The following ASCC3 variants were observed in gnomAD, a reference collection of about 807,000 sequenced individuals.
ASCC3 encodes the protein activating signal cointegrator 1 complex subunit 3, also known as ASC-1 complex subunit P200.
In ASCC3, 158 loss-of-function variants were observed where a neutral mutation model predicts 256.3. The ratio of observed to expected loss-of-function variants is 0.62; its 90% CI spans 0.54 to 0.70. ASCC3 has a LOEUF of 0.70. Ranked by LOEUF, ASCC3 falls within the 30% of genes least tolerant of loss-of-function variation. ASCC3 has a pLI of 0.00. For missense variants in ASCC3, 2,259 were observed against 2,626.0 expected (o/e 0.86, Z 3.05); for synonymous variants, 948 against 883.4 (o/e 1.07, Z -1.30).
At chr6:100,719,626 G>C (rs1459716275) in intron 11 of ASCC3, among the ~76,000 whole-genome samples, 1 of 151,880 alleles carries the variant, frequency 6.6e-6, no homozygotes, top group Non-Finnish European at 1.5e-5. Flanking sequence ...ATCTATGTGA[G>C]AAATACTTTA....
At chr6:100,510,872 T>G (rs1429604748) in intron 40 of ASCC3, among the ~76,000 whole-genome samples, 1 of 152,190 alleles carries the variant, frequency 6.6e-6, no homozygotes, top group East Asian at 1.9e-4. Flanking sequence ...TGATACATTC[T>G]CAGACTTCAC....
intron 36 of ASCC3, among the ~76,000 whole-genome samples, chr6:100,579,954 AT>A (rs1378899928): frequency 6.6e-6 from 1 of 152,200 alleles, no homozygotes; most frequent in Non-Finnish European, 1.5e-5. Flanking sequence ...CTTCCTATTC[AT>A]GAATACGAAA....
intron 10 of ASCC3, among the ~76,000 whole-genome samples, chr6:100,734,398 A>G (rs1562259614): frequency 6.6e-6 from 1 of 152,158 alleles, no homozygotes; most frequent in Non-Finnish European, 1.5e-5. Flanking sequence ...TTTATTAACT[A>G]CAGTAATGTG....
At position 100,625,191 on chromosome 6, in the gene ASCC3, C is replaced by G. The variant is rs745409084; in HGVS notation, c.4785+1G>C. The G allele has an allele frequency of 6.2e-7, 1 of 1,612,358 alleles. No homozygotes were observed. The highest frequency in any genetic ancestry group is 1.7e-5 in the Admixed American group (1 of 59,830). On this transcript the variant is annotated splice_donor_variant, in intron 30 of 41. Transcript: ENST00000369162. LOFTEE classifies it high-confidence loss of function. The stretch of plus-strand genomic sequence containing the variant: ...AGTAGAAGATAAAATATGTTGCTTA[C>G]CTCTCTTTCATCCATGTTTAACCAC...
At chr6:100,527,591 T>C (rs1193664875) in intron 37 of ASCC3, among the ~76,000 whole-genome samples, 3 of 152,150 alleles carry the variant, frequency 2.0e-5, no homozygotes, top group Admixed American at 2.0e-4. Context: ...ACGTAAACAC[T>C]CTGCTCCATG....
intron 36 of ASCC3, 39 bp from the exon 37 acceptor site, chr6:100,540,426 TATA>T: frequency 6.7e-7 from 1 of 1,499,674 alleles, no homozygotes; most frequent in Non-Finnish European, 9.2e-7. Flanking sequence ...TGGATCAAAG[TATA>T]ATAATTAATG....
intron 36 of ASCC3, among the ~76,000 whole-genome samples, chr6:100,551,286 C>A (rs183931632): frequency 6.6e-6 from 1 of 151,766 alleles, no homozygotes; most frequent in South Asian, 2.1e-4. Context: ...TGCAGTCTAG[C>A]GGGGGAGCCA....
At chr6:100,851,961 C>G (rs578157412) in intron 3 of ASCC3, among the ~76,000 whole-genome samples, 7 of 152,312 alleles carry the variant, frequency 4.6e-5, no homozygotes, top group East Asian at 3.9e-4. Context: ...CTTGTCTTCC[C>G]TAAGAGGCAC....
At chr6:100,795,614 C>T (rs1461636466) in intron 8 of ASCC3, among the ~76,000 whole-genome samples, 1 of 152,078 alleles carries the variant, frequency 6.6e-6, no homozygotes, top group East Asian at 1.9e-4. Flanking sequence ...ACATTGCTCC[C>T]TTTCCAAGAA....
chr6:100,530,573 C>G (rs186427148), intron 37 of ASCC3: 19 of 785,870 alleles, frequency 2.4e-5, no homozygotes, highest in East Asian at 2.2e-4. Context: ...ATCCAGCCAG[C>G]ATTAGTGTGT....
At chr6:100,608,413 CTTATATATATTTTATATATATACT>C (rs1773123289) in intron 30 of ASCC3, among the ~76,000 whole-genome samples, 3 of 48,930 alleles carry the variant, frequency 6.1e-5, no homozygotes, top group South Asian at 7.0e-4. Flanking sequence ...ATATATATAC[CTTATATATATTTTATATATATACT>C]TTATATATAT....
chr6:100,808,007 C>T (rs1018428286), intron 4 of ASCC3, among the ~76,000 whole-genome samples: 3 of 151,766 alleles, frequency 2.0e-5, no homozygotes, highest in African/African-American at 7.2e-5. Context: ...GAAAGTGAGC[C>T]TCCTACACAA....
At chr6:100,647,687 C>T (rs1379776621) in intron 20 of ASCC3, among the ~76,000 whole-genome samples, 1 of 151,914 alleles carries the variant, frequency 6.6e-6, no homozygotes, top group Admixed American at 6.6e-5. Flanking sequence ...GCCTTATTTC[C>T]AAGTTCTTAG....
intron 1 of ASCC3, among the ~76,000 whole-genome samples, chr6:100,878,773 C>T (rs1273679318): frequency 3.9e-5 from 6 of 152,210 alleles, no homozygotes. Flanking sequence ...TTCCTCTGCT[C>T]TCACACGACA....
chr6:100,585,493 C>G (rs972666877), intron 36 of ASCC3, among the ~76,000 whole-genome samples: 11 of 152,096 alleles, frequency 7.2e-5, no homozygotes, highest in Non-Finnish European at 8.8e-5. Context: ...AAATTTTTTT[C>G]AAAGTTTTCA....
At chr6:100,839,976 A>C (rs1449014899) in intron 4 of ASCC3, among the ~76,000 whole-genome samples, 1 of 152,202 alleles carries the variant, frequency 6.6e-6, no homozygotes, top group Non-Finnish European at 1.5e-5. Context: ...AAATTACTTC[A>C]ACTATGTTGA....
chr6:100,853,086 G>A (rs6916271), intron 3 of ASCC3, among the ~76,000 whole-genome samples: 35,089 of 151,700 alleles, frequency 0.23, 4,345 homozygotes, highest in East Asian at 0.48. Flanking sequence ...TGACTGGTGC[G>A]CTTTTATTAT....
Position 100,629,179 on chromosome 6 carries a change from A to T in ASCC3, c.4211T>A (p.Val1404Asp). The change falls in exon 27 of 42, where the codon GTT (valine) becomes GAT (aspartate). Residue 1404 changes from valine to aspartate, a missense_variant and splice_region_variant. Around this residue, in one of 2 missense-constraint regions of ASCC3, gnomAD observed 1,839 missense variants for 2,206.7 expected, o/e 0.83. Coordinates refer to ENST00000369162, the MANE Select transcript of ASCC3 (RefSeq NM_006828.4). ...AGTCACATCCCCTGTTAGTTCAATA[A>T]CTCTGGAGGGAAATATAACAATGAT... ...VRIEEKLGKK[V>D]IELTGDVTPD... 1 of 1,612,784 alleles carries T rather than the reference A, an allele frequency of 6.2e-7. No homozygotes were observed. The highest frequency in any genetic ancestry group is 1.3e-5 in the African/African-American group (1 of 74,978).
intron 13 of ASCC3, among the ~76,000 whole-genome samples, chr6:100,686,359 A>G (rs1052668320): frequency 6.6e-6 from 1 of 152,130 alleles, no homozygotes; most frequent in African/African-American, 2.4e-5. Context: ...CAATGTCTCT[A>G]CCACCCTTCC....
Sources: gnomAD v4.1 joint callset for allele counts (sites outside exome capture counted in the v4.1 genomes callset) on GRCh38, gnomAD v4.1.1 for gene constraint, gnomAD v4.1.1 regional missense constraint, MANE v1.5 for transcripts, NCBI Gene and HGNC (gene_info 2026-07-23, HGNC 2026-07-21) for gene names.